Variants in ST6GALNAC3 observed in about 807,000 individuals in gnomAD.
ST6GALNAC3 encodes the protein alpha-N-acetylgalactosaminide alpha-2,6-sialyltransferase 3.
A neutral mutation model predicts 32.7 loss-of-function variants in ST6GALNAC3; 25 were observed. The ratio of observed to expected loss-of-function variants is 0.76; its 90% CI spans 0.56 to 1.07. The LOEUF is 1.07. Ranked by LOEUF, ST6GALNAC3 falls within the 50% of genes least tolerant of loss-of-function variation. The probability of loss-of-function intolerance (pLI) is 0.00; values close to 1 mark genes in which losing one functional copy is unlikely to be tolerated. For synonymous variants in ST6GALNAC3, 129 were observed against 133.1 expected, an observed-to-expected ratio of 0.97 and a Z score of 0.21; for missense variants, 355 against 382.4, an observed-to-expected ratio of 0.93 and a Z score of 0.60.
chr1:76,506,845 T>C (rs559529442), intron 3 of ST6GALNAC3, among the ~76,000 whole-genome samples: 4 of 152,284 alleles, frequency 2.6e-5, no homozygotes, highest in Admixed American at 6.5e-5. Flanking sequence ...GAGAAATGAC[T>C]GGAAGTCAAT....
At chr1:76,310,915 A>G (rs542019191) in intron 1 of ST6GALNAC3, among the ~76,000 whole-genome samples, 18 of 152,234 alleles carry the variant, frequency 1.2e-4, no homozygotes, top group African/African-American at 4.3e-4. Context: ...CAAGGGCTTT[A>G]TCTTTTTACT....
intron 2 of ST6GALNAC3, among the ~76,000 whole-genome samples, chr1:76,397,369 C>CGCTT (rs1653044166): frequency 8.1e-6 from 1 of 124,092 alleles, no homozygotes; most frequent in African/African-American, 3.1e-5. Flanking sequence ...CTATAAGATG[C>CGCTT]TTTTTTTTTT....
At chr1:76,473,000 A>G (rs1659132049) in intron 3 of ST6GALNAC3, among the ~76,000 whole-genome samples, 1 of 152,076 alleles carries the variant, frequency 6.6e-6, no homozygotes, top group Non-Finnish European at 1.5e-5. Flanking sequence ...GAAGAGGTGA[A>G]TAGATGGATG....
intron 2 of ST6GALNAC3, among the ~76,000 whole-genome samples, chr1:76,330,878 A>G (rs567751669): frequency 6.6e-6 from 1 of 152,294 alleles, no homozygotes; most frequent in African/African-American, 2.4e-5. Context: ...TAATTGCTAC[A>G]GGAATATTGA....
intron 1 of ST6GALNAC3, among the ~76,000 whole-genome samples, chr1:76,156,947 G>T (rs1177912124): frequency 3.9e-5 from 6 of 152,166 alleles, no homozygotes; most frequent in Non-Finnish European, 2.9e-5. Flanking sequence ...TAGCCAGGAT[G>T]GTCTCAATCT....
chr1:76,378,079 G>A (rs951876841), intron 2 of ST6GALNAC3, among the ~76,000 whole-genome samples: 1 of 152,072 alleles, frequency 6.6e-6, no homozygotes, highest in African/African-American at 2.4e-5. Context: ...CTTACTCCAG[G>A]CCTCTTGGCT....
intron 3 of ST6GALNAC3, among the ~76,000 whole-genome samples, chr1:76,618,585 A>G (rs942496627): frequency 3.3e-5 from 5 of 152,184 alleles, no homozygotes; most frequent in Non-Finnish European, 7.3e-5. Context: ...ATTTGCAAAA[A>G]TATTTTTATT....
rs866317873 is a variant in ST6GALNAC3, at chr1:76,325,802, T to C, written c.213+11803T>C. On this transcript the variant is annotated intron_variant, in intron 2 of 4. Coordinates refer to ENST00000328299, the MANE Select transcript of ST6GALNAC3 (RefSeq NM_152996.4). ...GTATACATACACACAAATATATATATATATATTTGGTCTTTTTGTGCTCTT... is the reference window on the plus strand; with the variant it reads ...GTATACATACACACAAATATATATACATATATTTGGTCTTTTTGTGCTCTT... Among the ~76,000 whole-genome samples the C allele has an allele frequency of 6.0e-5, 9 of 150,922 alleles. No individual in the cohort carries two copies. The South Asian group carries it at 1.5e-3, about 25-fold the overall frequency.
chr1:76,481,045 C>T (rs543651740), intron 3 of ST6GALNAC3, among the ~76,000 whole-genome samples: 3 of 152,230 alleles, frequency 2.0e-5, no homozygotes, highest in African/African-American at 4.8e-5. Context: ...CATACAGTAA[C>T]TGTGTATCTA....
chr1:76,602,105 C>A (rs1482040817), intron 3 of ST6GALNAC3, among the ~76,000 whole-genome samples: 2 of 152,074 alleles, frequency 1.3e-5, no homozygotes, highest in Non-Finnish European at 2.9e-5. Flanking sequence ...GTTAATGGGA[C>A]TTCAAGAATA....
chr1:76,188,661 C>T (rs434633), intron 1 of ST6GALNAC3, among the ~76,000 whole-genome samples: 20,903 of 152,164 alleles, frequency 0.14, 1,701 homozygotes, highest in Non-Finnish European at 0.19. Flanking sequence ...TAGACTACTA[C>T]TGACTGGAAG....
At position 76,628,712 on chromosome 1, in the gene ST6GALNAC3, G is replaced by T. The variant is rs1649134840; in HGVS notation, c.824G>T (p.Gly275Val). Residue 275 changes from glycine (G) to valine (V), a missense_variant, in exon 5 of 5, where the codon GGG becomes GTG. Coordinates refer to ENST00000328299, the MANE Select transcript of ST6GALNAC3 (RefSeq NM_152996.4). ...EYFLHEHAPYGGHRFITEKKV... is the reference protein window; with the variant it reads ...EYFLHEHAPYVGHRFITEKKV... ...TTTCTTCATGAACATGCCCCATATG[G>T]GGGTCATAGGTTTATCACTGAAAAG... The T allele has an allele frequency of 3.1e-6, 5 of 1,612,428 alleles. No individual in the cohort carries two copies. The highest frequency in any genetic ancestry group is 3.4e-6 in the Non-Finnish European group (4 of 1,179,056).
At chr1:76,324,570 G>A (rs915279604) in intron 2 of ST6GALNAC3, among the ~76,000 whole-genome samples, 12 of 152,256 alleles carry the variant, frequency 7.9e-5, no homozygotes, top group East Asian at 7.7e-4. Context: ...TACAGAACAC[G>A]TGATGACAAC....
intron 2 of ST6GALNAC3, among the ~76,000 whole-genome samples, chr1:76,323,028 A>G (rs1335898921): frequency 6.6e-6 from 1 of 152,166 alleles, no homozygotes; most frequent in Non-Finnish European, 1.5e-5. Context: ...GTAAAAATAC[A>G]AAAATTACCT....
At chr1:76,238,865 A>T (rs1408244783) in intron 1 of ST6GALNAC3, among the ~76,000 whole-genome samples, 1 of 150,540 alleles carries the variant, frequency 6.6e-6, no homozygotes, top group Non-Finnish European at 1.5e-5. Context: ...CACAATTTTT[A>T]TTCAGGTATT....
intron 1 of ST6GALNAC3, among the ~76,000 whole-genome samples, chr1:76,190,814 A>C (rs748323295): frequency 2.0e-5 from 3 of 152,182 alleles, no homozygotes; most frequent in Non-Finnish European, 1.5e-5. Context: ...AGGGGTTTTT[A>C]TATTTATTTG....
intron 3 of ST6GALNAC3, among the ~76,000 whole-genome samples, chr1:76,437,784 C>T (rs1364922640): frequency 6.6e-6 from 1 of 151,886 alleles, no homozygotes; most frequent in Non-Finnish European, 1.5e-5. Flanking sequence ...CCATGTTGGC[C>T]AGGACGGTCT....
intron 3 of ST6GALNAC3, among the ~76,000 whole-genome samples, chr1:76,606,749 GAA>G (rs917584065): frequency 1.4e-5 from 2 of 145,784 alleles, no homozygotes; most frequent in Non-Finnish European, 3.0e-5. Flanking sequence ...AAAAAAAAAA[GAA>G]AAAAAGAAAA....
intron 2 of ST6GALNAC3, among the ~76,000 whole-genome samples, chr1:76,397,631 C>G (rs2101191032): frequency 6.6e-6 from 1 of 152,212 alleles, no homozygotes; most frequent in Non-Finnish European, 1.5e-5. Context: ...ACCTCAGCCT[C>G]CCAAAGTGCT....
Sources: gnomAD v4.1 joint callset for allele counts (sites outside exome capture counted in the v4.1 genomes callset) on GRCh38, gnomAD v4.1.1 for gene constraint, MANE v1.5 for transcripts, NCBI Gene and HGNC (gene_info 2026-07-23, HGNC 2026-07-21) for gene names.